The following BCAS3 variants were observed in gnomAD, a reference collection of about 807,000 sequenced individuals.
BCAS3 encodes BCAS3 microtubule associated cell migration factor.
Under a neutral mutation model 116.1 loss-of-function variants are expected in BCAS3, and 53 were observed. The observed-to-expected ratio is 0.46, with a 90% CI of 0.37 to 0.57. The LOEUF (loss-of-function observed/expected upper bound fraction) is 0.57, where lower values mean the gene tolerates loss of function less well. Ranked by LOEUF, BCAS3 falls within the 20% of genes least tolerant of loss-of-function variation. The pLI is 0.00. For missense variants in BCAS3, 917 were observed against 1,165.4 expected, an observed-to-expected ratio of 0.79 and a Z score of 3.10; for synonymous variants, 391 against 408.2, an observed-to-expected ratio of 0.96 and a Z score of 0.51.
At chr17:60,890,370 C>T (rs1187808775) in intron 10 of BCAS3, among the ~76,000 whole-genome samples, 3 of 152,102 alleles carry the variant, frequency 2.0e-5, no homozygotes, top group Non-Finnish European at 4.4e-5. Flanking sequence ...AGGAGAATTG[C>T]TTGAGCCTGG....
At chr17:61,358,975 G>A (rs1383948312) in intron 22 of BCAS3, among the ~76,000 whole-genome samples, 1 of 152,148 alleles carries the variant, frequency 6.6e-6, no homozygotes, top group Non-Finnish European at 1.5e-5. Context: ...GGAGATCAGA[G>A]CTAAGAGGTT....
At chr17:61,197,804 T>G (rs2080571594) in intron 22 of BCAS3, among the ~76,000 whole-genome samples, 1 of 152,340 alleles carries the variant, frequency 6.6e-6, no homozygotes, top group South Asian at 2.1e-4. Context: ...AGATTTACTG[T>G]GTAATTGTAT....
chr17:61,059,301 C>T (rs1168035282), intron 19 of BCAS3, among the ~76,000 whole-genome samples: 1 of 151,798 alleles, frequency 6.6e-6, no homozygotes, highest in Non-Finnish European at 1.5e-5. Context: ...CCAGGATGGT[C>T]TTGATCTCCT....
At chr17:61,085,228 A>G (rs1314928278) in intron 22 of BCAS3, among the ~76,000 whole-genome samples, 2 of 152,198 alleles carry the variant, frequency 1.3e-5, no homozygotes, top group African/African-American at 4.8e-5. Context: ...TCAAGTGATA[A>G]AATAAGGACA....
At chr17:61,331,641 TA>T (rs1418142512) in intron 22 of BCAS3, among the ~76,000 whole-genome samples, 1 of 152,214 alleles carries the variant, frequency 6.6e-6, no homozygotes. Context: ...TTTAAGTTTT[TA>T]TTTTTAATTT....
Position 61,380,041 on chromosome 17 carries a change from C to T in BCAS3, c.2593+11547C>T. On this transcript the variant is annotated intron_variant, in intron 23 of 23. Coordinates refer to ENST00000407086, the MANE Select transcript of BCAS3 (RefSeq NM_017679.5). The surrounding 1 kb of genome is among the most constrained non-coding windows in gnomAD (Gnocchi z 4.2). The stretch of plus-strand genomic sequence containing the variant: ...TTCATGCGTTATCCATCCCCGACCA[C>T]TGAGAGCTGAGTAGGATCCTGTGGT... 1 of 164,782 alleles carries T rather than the reference C, an allele frequency of 6.1e-6. No homozygotes were observed. The highest frequency in any genetic ancestry group is 1.7e-4 in the South Asian group (1 of 6,056). The allele number at this position is 164,782 out of a possible 1,614,324, so 10.2% of individuals were successfully genotyped here.
intron 5 of BCAS3, among the ~76,000 whole-genome samples, chr17:60,722,035 G>A (rs2039297161): frequency 6.6e-6 from 1 of 152,070 alleles, no homozygotes; most frequent in African/African-American, 2.4e-5. Context: ...GCTATTGTGT[G>A]TAACATTAAT....
intron 19 of BCAS3, among the ~76,000 whole-genome samples, chr17:61,069,136 A>G (rs1600944464): frequency 6.6e-6 from 1 of 152,294 alleles, no homozygotes; most frequent in East Asian, 1.9e-4. Context: ...GAAATAGTAG[A>G]AGGAGAGATG....
chr17:61,370,773 A>AT (rs1021019951), intron 23 of BCAS3, among the ~76,000 whole-genome samples: 14 of 152,132 alleles, frequency 9.2e-5, no homozygotes, highest in African/African-American at 2.7e-4. Context: ...CACTTTTCAC[A>AT]TTTTCCAACT....
At chr17:61,263,374 G>C (rs1373180309) in intron 22 of BCAS3, among the ~76,000 whole-genome samples, 1 of 152,216 alleles carries the variant, frequency 6.6e-6, no homozygotes, top group African/African-American at 2.4e-5. Context: ...TACTAACCTG[G>C]ACATAGGGGT....
intron 6 of BCAS3, among the ~76,000 whole-genome samples, chr17:60,803,740 A>G (rs2048013094): frequency 6.6e-6 from 1 of 151,840 alleles, no homozygotes; most frequent in Non-Finnish European, 1.5e-5. Flanking sequence ...ATATAATGAA[A>G]AGTTTCTTCT....
At chr17:60,959,383 A>T (rs1268228702) in intron 14 of BCAS3, among the ~76,000 whole-genome samples, 1 of 152,090 alleles carries the variant, frequency 6.6e-6, no homozygotes. Context: ...AGAAAAATTG[A>T]TAAACTGGAT....
intron 22 of BCAS3, among the ~76,000 whole-genome samples, chr17:61,137,011 T>C (rs1012971707): frequency 1.3e-5 from 2 of 152,130 alleles, no homozygotes. Flanking sequence ...AATAAAACTT[T>C]TTTAAAAAAA....
In BCAS3 at chr17:61,108,545, C is replaced by T. The variant is rs181525654; in HGVS notation, c.2425+23981C>T. 2.3e-3 allele frequency among the ~76,000 whole-genome samples: 338 copies of T among 146,952 alleles called. 2 individuals carry two copies. The highest frequency in any genetic ancestry group is 7.7e-3 in the African/African-American group (308 of 40,232). On this transcript the variant is annotated intron_variant, in intron 22 of 23. Coordinates refer to ENST00000407086, the MANE Select transcript of BCAS3 (RefSeq NM_017679.5). ...GCTCGATTTGGTTTTTCTTTTTTGCCTGCCTTCCTGTAGGTTATGGAACAT... is the reference window on the plus strand; with the variant it reads ...GCTCGATTTGGTTTTTCTTTTTTGCTTGCCTTCCTGTAGGTTATGGAACAT...
chr17:61,040,814 C>T lies in BCAS3; in HGVS notation c.1951C>T (p.Gln651Ter), dbSNP rs1263983032. The T allele has an allele frequency of 1.9e-6, 3 of 1,613,964 alleles. No individual in the cohort carries two copies. Among genetic ancestry groups the T allele is most frequent in the East Asian group, 2.2e-5 (1 of 44,866 alleles). ...TAGAACCCCTCAATGGAATGAATTGCAGCCACCGTTTAATGCAAACCACCC... is the reference window on the plus strand; with the variant it reads ...TAGAACCCCTCAATGGAATGAATTGTAGCCACCGTTTAATGCAAACCACCC... The part of the protein sequence containing the change: ...LVRTPQWNEL[Q>*]PPFNANHPLL... Residue 651 changes from glutamine to a stop codon, truncating the protein, a stop_gained, in exon 19 of 24, where the codon CAG becomes TAG. Transcript: ENST00000407086. LOFTEE classifies it high-confidence loss of function.
At chr17:60,769,641 G>A (rs952179941) in intron 6 of BCAS3, among the ~76,000 whole-genome samples, 1 of 152,176 alleles carries the variant, frequency 6.6e-6, no homozygotes, top group East Asian at 1.9e-4. Flanking sequence ...TGTGCTGTTG[G>A]TCCACAGCAG....
chr17:61,300,602 A>G lies in BCAS3; in HGVS notation c.2426-67725A>G, dbSNP rs951965069. ...AAAATGTATGGCAGTAAGTAATGCC[A>G]TGCGAGGGCAAGCTGGGAACAGTGA... is the stretch of plus-strand genomic sequence containing the variant. On this transcript the variant is annotated intron_variant, in intron 22 of 23. Transcript: ENST00000407086. This position sits in a 1 kb window ranked among gnomAD's most constrained non-coding sequence, Gnocchi z 5.1. Among the ~76,000 whole-genome samples, 1 of 152,246 alleles carries G rather than the reference A, an allele frequency of 6.6e-6. No homozygotes were observed. The highest frequency in any genetic ancestry group is 1.5e-5 in the Non-Finnish European group (1 of 68,048).
intron 4 of BCAS3, among the ~76,000 whole-genome samples, chr17:60,692,155 A>G (rs571985774): frequency 3.3e-4 from 51 of 152,300 alleles, no homozygotes; most frequent in African/African-American, 1.2e-3. Context: ...CAATAGAGAA[A>G]TAACTGATTG....
intron 15 of BCAS3, among the ~76,000 whole-genome samples, chr17:61,010,666 G>A (rs1373137496): frequency 6.6e-6 from 1 of 151,800 alleles, no homozygotes; most frequent in Admixed American, 6.6e-5. Flanking sequence ...AAACATCAAG[G>A]GATGTTTTAA....
Sources: gnomAD v4.1 joint callset for allele counts (sites outside exome capture counted in the v4.1 genomes callset) on GRCh38, gnomAD v4.1.1 for gene constraint, Gnocchi (gnomAD v3.1) non-coding constraint, MANE v1.5 for transcripts, NCBI Gene and HGNC (gene_info 2026-07-23, HGNC 2026-07-21) for gene names.